MUC5B: variants seen among roughly 807,000 people sequenced by gnomAD.
MUC5B encodes the protein mucin-5B.
A neutral mutation model predicts 376.9 loss-of-function variants in MUC5B; 116 were observed. The ratio of observed to expected loss-of-function variants is 0.31; its 90% CI spans 0.26 to 0.36. MUC5B has a LOEUF of 0.36. Among genes scored for constraint, MUC5B ranks in the 10% least tolerant of loss-of-function variants. The pLI is 1.00. For missense variants in MUC5B, 7,165 were observed against 7,769.9 expected (o/e 0.92, Z 2.93); for synonymous variants, 3,517 against 3,390.9 (o/e 1.04, Z -1.29).
chr11:1,255,082 G>A lies in MUC5B; in HGVS notation c.15706G>A (p.Asp5236Asn). 8.1e-6 allele frequency: 13 copies of A among 1,595,720 alleles called. No homozygotes were observed. Among genetic ancestry groups the A allele is most frequent in the Non-Finnish European group, 1.0e-5 (12 of 1,172,166 alleles). ...NNQRDDCLQR[D>N]GTTAASCKDM... The stretch of plus-strand genomic sequence containing the variant: ...CCAGAGGGACGACTGTCTCCAGCGG[G>A]ACGGAACCACTGCCGCCAGTTGCAA... Residue 5236 changes from aspartate (D) to asparagine (N), a missense_variant, in exon 36 of 49, where the codon GAC (aspartate) becomes AAC (asparagine). By Grantham distance (23) the Asp-to-Asn change is conservative. Transcript: ENST00000529681.
At position 1,262,077 on chromosome 11, in the gene MUC5B, G is replaced by A. The variant is rs574898426; in HGVS notation, c.*469G>A. ...GCCTGCTGCAGGGTAACTCAGGGCTGAGGTCGCAACGGCCAGGTCAGAGAG... is the reference window on the plus strand; with the variant it reads ...GCCTGCTGCAGGGTAACTCAGGGCTAAGGTCGCAACGGCCAGGTCAGAGAG... On this transcript the variant is annotated 3_prime_UTR_variant, in exon 49 of 49. Coordinates refer to ENST00000529681, the MANE Select transcript of MUC5B (RefSeq NM_002458.3). The A allele has an allele frequency of 1.9e-5, 10 of 530,898 alleles. No homozygotes were observed. Among genetic ancestry groups the A allele is most frequent in the Non-Finnish European group, 3.4e-5 (9 of 264,390 alleles). The allele number at this position is 530,898 out of a possible 1,614,324, so 32.9% of individuals were successfully genotyped here. A position where few individuals can be genotyped will look rare whatever the true frequency, so the allele number is the denominator to read the frequency against.
In MUC5B at chr11:1,261,823, T is replaced by A; in HGVS notation, c.*215T>A. 1 of 698,796 alleles carries A rather than the reference T, an allele frequency of 1.4e-6. No individual in the cohort carries two copies. Among genetic ancestry groups the A allele is most frequent in the Non-Finnish European group, 2.6e-6 (1 of 383,924 alleles). 43.3% of individuals were successfully genotyped at this position (698,796 alleles called of 1,614,324 possible). A position where few individuals can be genotyped will look rare whatever the true frequency, so the allele number is the denominator to read the frequency against. ...TCGGGAGGGCGCCACTCAGGAGTCC[T>A]ACCCTGGGAGAGCCTGTGGCCCACC... On this transcript the variant is annotated 3_prime_UTR_variant, in exon 49 of 49. Transcript: ENST00000529681.
Position 1,259,733 on chromosome 11 carries a change from T to A in MUC5B, c.16714-23T>A, listed in dbSNP as rs374527953. The stretch of plus-strand genomic sequence containing the variant: ...TGTGCTGGAGGAGAGGGTTAGGGCC[T>A]GACGCCCCTCATGTCCCCACAGGGC... On this transcript the variant is annotated intron_variant, in intron 44 of 48. Transcript: ENST00000529681. 13 of 1,609,874 alleles carry A rather than the reference T, an allele frequency of 8.1e-6. No individual in the cohort carries two copies. In the African/African-American group the frequency reaches 9.4e-5, roughly 12 times the overall value.
rs1366347966 is a variant in MUC5B, at chr11:1,233,198, G to C, written c.2251G>C (p.Glu751Gln). Residue 751 changes from glutamate to glutamine, a missense_variant, in exon 18 of 49, where the codon GAG becomes CAG. Glu to Gln is a conservative substitution (Grantham distance 29, BLOSUM62 2). This residue lies in a region of MUC5B where 530 missense variants were observed against 604.0 expected (regional missense o/e 0.88). Transcript: ENST00000529681. ...CGCGGGCGCCTGTGTGCCCGCCCAGGAGTGCCCCTGCTACGCTCACGGCAC... is the reference window on the plus strand; with the variant it reads ...CGCGGGCGCCTGTGTGCCCGCCCAGCAGTGCCCCTGCTACGCTCACGGCAC... ...NDAGACVPAQ[E>Q]CPCYAHGTVL... 6.2e-7 allele frequency: 1 copy of C among 1,602,702 alleles called. No homozygotes were observed. The highest frequency in any genetic ancestry group is 8.5e-7 in the Non-Finnish European group (1 of 1,178,008).
At position 1,251,708 on chromosome 11, in the gene MUC5B, G is replaced by C. The variant is rs1479393939; in HGVS notation, c.14828G>C (p.Cys4943Ser). The C allele has an allele frequency of 1.2e-6, 2 of 1,610,040 alleles. No individual in the cohort carries two copies. The highest frequency in any genetic ancestry group is 1.7e-5 in the Admixed American group (1 of 59,894). The change falls in exon 31 of 49, where the codon TGC (cysteine) becomes TCC (serine). Residue 4943 changes from cysteine (C) to serine (S), a missense_variant. Transcript: ENST00000529681. ...GFPSSHFSTPCFCRAFGQFFS... is the reference protein window; with the variant it reads ...GFPSSHFSTPSFCRAFGQFFS... ...CCCAGCTCCCACTTCTCTACTCCCT[G>C]CTTCTGCAGGGCATTTGGACAGTTT...
rs764676326 is a variant in MUC5B at position 1,244,589 on chromosome 11, C to T, written c.7709C>T (p.Thr2570Ile). 18 of 1,613,590 alleles carry T rather than the reference C, an allele frequency of 1.1e-5. No individual in the cohort carries two copies. The highest frequency in any genetic ancestry group is 1.4e-5 in the Non-Finnish European group (17 of 1,179,738). Reference sequence around the variant, plus strand: ...ATGTCCACAGCCACACCCTCCTCCACTCCAGAGACTGTCCACACCTCCACA... The same window carrying T: ...ATGTCCACAGCCACACCCTCCTCCATTCCAGAGACTGTCCACACCTCCACA... ...ATMSTATPSS[T>I]PETVHTSTVL... is the part of the protein sequence containing the mutation. The change falls in exon 31 of 49, where the codon ACT becomes ATT. Residue 2570 changes from threonine (T) to isoleucine (I), a missense_variant. Coordinates refer to ENST00000529681, the MANE Select transcript of MUC5B (RefSeq NM_002458.3).
chr11:1,229,838 G>T, intron 10 of MUC5B, 31 bp downstream of exon 10: 3 of 1,562,560 alleles, frequency 1.9e-6, no homozygotes, highest in South Asian at 1.2e-5. Context: ...CTCCGCCTGG[G>T]GTGGGGTGTG....
chr11:1,240,025 C>G lies in MUC5B; in HGVS notation c.3729-20C>G. The G allele has an allele frequency of 6.3e-7, 1 of 1,587,428 alleles. No individual in the cohort carries two copies. Among genetic ancestry groups the G allele is most frequent in the Non-Finnish European group, 8.6e-7 (1 of 1,166,422 alleles). On this transcript the variant is annotated intron_variant, in intron 28 of 48. Coordinates refer to ENST00000529681, the MANE Select transcript of MUC5B (RefSeq NM_002458.3). ...CAGGCTGCCCCCCAGGCCCTCAGCT[C>G]GCCTCTCCCCCACCCCTAGTAACTG... is the stretch of plus-strand genomic sequence containing the variant.
rs764813669 is a variant in MUC5B, at chr11:1,254,790, G to C, written c.15574G>C (p.Ala5192Pro). Residue 5192 changes from alanine to proline, a missense_variant, in exon 35 of 49, where the codon GCC becomes CCC. This residue lies in a region of MUC5B where 842 missense variants were observed against 1,016.9 expected (regional missense o/e 0.83). Transcript: ENST00000529681. ...GTTTMRVDIP[A>P]LGVSVTFNGQ... ...CACCACCATGCGTGTGGACATTCCTGCCCTGGGCGTGAGCGTCACCTTCAA... is the reference window on the plus strand; with the variant it reads ...CACCACCATGCGTGTGGACATTCCTCCCCTGGGCGTGAGCGTCACCTTCAA... 1 of 1,612,718 alleles carries C rather than the reference G, an allele frequency of 6.2e-7. No individual in the cohort carries two copies. Among genetic ancestry groups the C allele is most frequent in the South Asian group, 1.1e-5 (1 of 91,084 alleles).
At position 1,247,048 on chromosome 11, in the gene MUC5B, C is replaced by A. The variant is rs368492454; in HGVS notation, c.10168C>A (p.Leu3390Met). 3 of 1,555,252 alleles carry A rather than the reference C, an allele frequency of 1.9e-6. No individual in the cohort carries two copies. Among genetic ancestry groups the A allele is most frequent in the African/African-American group, 2.7e-5 (2 of 72,814 alleles). The change falls in exon 31 of 49, where the codon CTG becomes ATG. Residue 3390 changes from leucine to methionine, a missense_variant. Leu to Met is a conservative substitution (Grantham distance 15, BLOSUM62 2). Coordinates refer to ENST00000529681, the MANE Select transcript of MUC5B (RefSeq NM_002458.3). ...ACAGACCAGTGGTACTCCCCCATCACTGACCACCACGGCCACTACGATCAC... is the reference window on the plus strand; with the variant it reads ...ACAGACCAGTGGTACTCCCCCATCAATGACCACCACGGCCACTACGATCAC... ...STQTSGTPPSLTTTATTITAT... is the reference protein window; with the variant it reads ...STQTSGTPPSMTTTATTITAT...
rs61734215 is a variant in MUC5B, at chr11:1,260,702, C to T, written c.17043C>T (p.Cys5681=). The stretch of plus-strand genomic sequence containing the variant: ...AGACCGAGGTCAACATCACCTTCTG[C>T]GAGGGCTCCTGCCCCGGAGCGTCCA... ...GCETEVNITF[C]EGSCPGASKY... Residue 5681 remains cysteine (C), a synonymous_variant, in exon 48 of 49, where the codon TGC becomes TGT. Transcript: ENST00000529681. 14,628 of 1,611,870 alleles carry T rather than the reference C, an allele frequency of 9.1e-3. 83 individuals carry two copies. Among genetic ancestry groups the T allele is most frequent in the Middle Eastern group, 0.011 (67 of 6,058 alleles).
Position 1,247,712 on chromosome 11 carries a change from A to C in MUC5B, c.10832A>C (p.Gln3611Pro). 1.3e-6 allele frequency: 2 copies of C among 1,596,170 alleles called. No homozygotes were observed. The highest frequency in any genetic ancestry group is 2.3e-5 in the East Asian group (1 of 44,112). The change falls in exon 31 of 49, where the codon CAG (glutamine) becomes CCG (proline). Residue 3611 changes from glutamine to proline, a missense_variant. By Grantham distance (76) the Gln-to-Pro change is moderately conservative (BLOSUM62 -1). Transcript: ENST00000529681. ...IRAAGGAVCE[Q>P]PLGLECRAQA... Reference sequence around the variant, plus strand: ...GCGGCCGGAGGGGCAGTCTGTGAGCAGCCCCTGGGCCTCGAGTGCCGTGCC... The same window carrying C: ...GCGGCCGGAGGGGCAGTCTGTGAGCCGCCCCTGGGCCTCGAGTGCCGTGCC...
In MUC5B at chr11:1,259,106, T is replaced by C. The variant is rs777684686; in HGVS notation, c.16713+45T>C. ...CCCCCAGGTGAGCCCCCGAGGCACC[T>C]GCCCCCAAGTGAGACCCGAGGCACC... is the stretch of plus-strand genomic sequence containing the variant. On this transcript the variant is annotated intron_variant, in intron 44 of 48. Transcript: ENST00000529681. 550 of 1,491,442 alleles carry C rather than the reference T, an allele frequency of 3.7e-4. 1 individual carries two copies. The highest frequency in any genetic ancestry group is 4.4e-4 in the Non-Finnish European group (499 of 1,121,710). The allele number at this position is 1,491,442 out of a possible 1,614,324, so 92.4% of individuals were successfully genotyped here.
chr11:1,256,326 G>T, intron 38 of MUC5B, 101 bp downstream of exon 38: 1 of 665,044 alleles, frequency 1.5e-6, no homozygotes. Flanking sequence ...GTGGGCCACA[G>T]ATCTCTGGGG....
rs1329444797 is a variant in MUC5B at position 1,254,179 on chromosome 11, T to C, written c.15305T>C (p.Met5102Thr). ...TFRGNCTYVL[M>T]REIHARFGNL... ...CGGGGCAACTGCACCTATGTCCTCA[T>C]GAGAGAGATCCATGCACGCTTTGGG... is the stretch of plus-strand genomic sequence containing the variant. The change falls in exon 34 of 49, where the codon ATG (methionine) becomes ACG (threonine). Residue 5102 changes from methionine to threonine, a missense_variant. Transcript: ENST00000529681. 1.2e-6 allele frequency: 2 copies of C among 1,612,906 alleles called. No homozygotes were observed. Among genetic ancestry groups the C allele is most frequent in the Admixed American group, 1.7e-5 (1 of 60,024 alleles).
At position 1,234,707 on chromosome 11, in the gene MUC5B, CAGGTGGGGA is replaced by C. The variant is rs773616214; in HGVS notation, c.2630+28_2630+36del. 37 of 727,782 alleles carry C rather than the reference CAGGTGGGGA, an allele frequency of 5.1e-5. No individual in the cohort carries two copies. The highest frequency in any genetic ancestry group is 6.3e-5 in the Non-Finnish European group (36 of 569,522). 45.1% of individuals were successfully genotyped at this position (727,782 alleles called of 1,614,324 possible). ...TGGGTCGTGAGTCTCTCGGAGGCAG[CAGGTGGGGA>C]GGGCGGGGGCGGGGAGGGCAGCGGG... On this transcript the variant is annotated intron_variant, in intron 21 of 48. Transcript: ENST00000529681. The surrounding 1 kb of genome is among the most constrained non-coding windows in gnomAD (Gnocchi z 6.3).
intron 26 of MUC5B, 196 bp from the exon 27 acceptor site, chr11:1,239,242 G>A (rs1456581890): frequency 2.2e-6 from 2 of 898,092 alleles, no homozygotes; most frequent in Admixed American, 5.0e-5. Flanking sequence ...AGCTCCTAGG[G>A]GACAAGAGTT....
In MUC5B at chr11:1,258,460, C is replaced by T; in HGVS notation, c.16593+93C>T. 4 of 1,463,672 alleles carry T rather than the reference C, an allele frequency of 2.7e-6. No homozygotes were observed. Among genetic ancestry groups the T allele is most frequent in the Non-Finnish European group, 3.7e-6 (4 of 1,074,414 alleles). The allele number at this position is 1,463,672 out of a possible 1,614,324, so 90.7% of individuals were successfully genotyped here. A position where few individuals can be genotyped will look rare whatever the true frequency, so the allele number is the denominator to read the frequency against. ...CTCTGAGCCCCACTCCTTGTCTTGA[C>T]ATTCCTGCCCTGAGGGCCGATCCGC... On this transcript the variant is annotated intron_variant, in intron 43 of 48. Transcript: ENST00000529681. The surrounding 1 kb of genome is among the most constrained non-coding windows in gnomAD (Gnocchi z 5.5).
In MUC5B at chr11:1,241,991, G is replaced by A. The variant is rs749245176; in HGVS notation, c.5111G>A (p.Gly1704Glu). 1.9e-6 allele frequency: 3 copies of A among 1,591,732 alleles called. No individual in the cohort carries two copies. In the African/African-American group the frequency reaches 4.0e-5, roughly 21 times the overall value. ...PTRSALPGTTGSLGTWRPSQP... is the reference protein window; with the variant it reads ...PTRSALPGTTESLGTWRPSQP... Reference sequence around the variant, plus strand: ...CGCTCAGCCCTTCCAGGGACGACGGGGAGCTTGGGCACATGGCGCCCCTCA... The same window carrying A: ...CGCTCAGCCCTTCCAGGGACGACGGAGAGCTTGGGCACATGGCGCCCCTCA... Residue 1704 changes from glycine (G) to glutamate (E), a missense_variant, in exon 31 of 49, where the codon GGG becomes GAG. Around this residue, in one of 31 missense-constraint regions of MUC5B, gnomAD observed 897 missense variants for 779.6 expected, o/e 1.15. Coordinates refer to ENST00000529681, the MANE Select transcript of MUC5B (RefSeq NM_002458.3).
Sources: gnomAD v4.1 joint callset for allele counts on GRCh38, gnomAD v4.1.1 for gene constraint, gnomAD v4.1.1 regional missense constraint, Gnocchi (gnomAD v3.1) non-coding constraint, MANE v1.5 for transcripts, NCBI Gene and HGNC (gene_info 2026-07-23, HGNC 2026-07-21) for gene names.